The following USH2A variants were observed in gnomAD, a reference collection of about 807,000 sequenced individuals.
USH2A encodes Usher syndrome 2A (autosomal recessive, mild).
USH2A carries 443 observed loss-of-function variants against 538.9 expected under a neutral mutation model. The observed-to-expected ratio is 0.82, with a 90% CI of 0.76 to 0.89. The LOEUF is 0.89. Ranked by LOEUF, USH2A falls within the 40% of genes least tolerant of loss-of-function variation. The pLI, the probability that USH2A is intolerant of heterozygous loss-of-function variation, is 0.00. For missense variants in USH2A, 6,633 were observed against 6,324.8 expected (o/e 1.05, Z -1.65); for synonymous variants, 2,413 against 2,273.5 (o/e 1.06, Z -1.75).
intron 3 of USH2A, 109 bp downstream of exon 3, chr1:216,418,405 A>G: frequency 7.9e-7 from 1 of 1,273,228 alleles, no homozygotes; most frequent in Non-Finnish European, 1.1e-6. Flanking sequence ...CACACCTGAA[A>G]TCTAAAAGAT....
chr1:216,206,985 A>T (rs2035126975), intron 16 of USH2A, among the ~76,000 whole-genome samples: 1 of 152,182 alleles, frequency 6.6e-6, no homozygotes. Flanking sequence ...CAGACACCTC[A>T]GCAGTTTATA....
At chr1:215,720,284 C>G (rs184680026) in intron 61 of USH2A, among the ~76,000 whole-genome samples, 10 of 152,204 alleles carry the variant, frequency 6.6e-5, no homozygotes, top group African/African-American at 2.4e-4. Context: ...TCAAGGCATG[C>G]AAGGAATATC....
intron 38 of USH2A, among the ~76,000 whole-genome samples, chr1:215,909,865 AAAG>A (rs1471665405): frequency 3.3e-5 from 5 of 151,964 alleles, no homozygotes; most frequent in Non-Finnish European, 7.4e-5. Context: ...GTAGAGAATG[AAAG>A]AAGGATGCTT....
intron 60 of USH2A, among the ~76,000 whole-genome samples, chr1:215,734,960 C>G (rs886982598): frequency 1.4e-4 from 21 of 152,182 alleles, no homozygotes; most frequent in African/African-American, 5.1e-4. Flanking sequence ...AACCTCTGCC[C>G]GTTACCCATT....
chr1:215,921,798 G>A (rs920150410), intron 38 of USH2A, among the ~76,000 whole-genome samples: 1 of 151,922 alleles, frequency 6.6e-6, no homozygotes, highest in Non-Finnish European at 1.5e-5. Context: ...GTGTAAATAG[G>A]GATAATAATA....
At chr1:215,690,246 G>A (rs996780959) in intron 61 of USH2A, among the ~76,000 whole-genome samples, 23 of 152,124 alleles carry the variant, frequency 1.5e-4, no homozygotes, top group African/African-American at 5.1e-4. Flanking sequence ...GCTAAACAGA[G>A]GAGTTGCTTT....
intron 32 of USH2A, among the ~76,000 whole-genome samples, chr1:216,040,048 T>TAC (rs59691309): frequency 0.019 from 2,759 of 146,306 alleles, 23 homozygotes; most frequent in South Asian, 0.034. Flanking sequence ...GTCTCTCAAT[T>TAC]ACACACACAC....
At chr1:216,174,229 G>T (rs911721962) in intron 21 of USH2A, 1 of 985,134 alleles carries the variant, frequency 1.0e-6, no homozygotes, top group Non-Finnish European at 1.2e-6. Flanking sequence ...ATATTTTAAA[G>T]ACTAGCTATT....
chr1:215,976,746 T>G (rs1003323023), intron 35 of USH2A, among the ~76,000 whole-genome samples: 1 of 152,182 alleles, frequency 6.6e-6, no homozygotes, highest in Non-Finnish European at 1.5e-5. Flanking sequence ...GCTGTTGAAT[T>G]TGGTTTGCTA....
intron 3 of USH2A, among the ~76,000 whole-genome samples, chr1:216,410,306 C>A (rs1217458478): frequency 1.3e-5 from 2 of 151,310 alleles, no homozygotes; most frequent in African/African-American, 4.9e-5. Flanking sequence ...CCTCAAAGAC[C>A]AAAAAAAACA....
chr1:216,307,945 G>A (rs952317428), intron 9 of USH2A, among the ~76,000 whole-genome samples: 1 of 152,142 alleles, frequency 6.6e-6, no homozygotes, highest in African/African-American at 2.4e-5. Flanking sequence ...CCTGGAGCCT[G>A]CAGCAGCAAT....
At chr1:216,237,418 G>T (rs440548) in intron 13 of USH2A, among the ~76,000 whole-genome samples, 1 of 148,540 alleles carries the variant, frequency 6.7e-6, no homozygotes, top group South Asian at 2.1e-4. Flanking sequence ...TTTAGAAAAA[G>T]TTCCACTCTT....
chr1:216,234,074 T>C (rs1248200786), intron 13 of USH2A, among the ~76,000 whole-genome samples: 1 of 152,168 alleles, frequency 6.6e-6, no homozygotes, highest in African/African-American at 2.4e-5. Flanking sequence ...GCAATGATAT[T>C]GAAAGAAGGA....
intron 30 of USH2A, among the ~76,000 whole-genome samples, chr1:216,054,985 C>A (rs572152193): frequency 6.6e-6 from 1 of 152,188 alleles, no homozygotes; most frequent in Non-Finnish European, 1.5e-5. Context: ...AAGGATCATG[C>A]ACAATATTTC....
chr1:216,355,315 G>GAAAGAAAGAAAGAAAGAA (rs1558051749), intron 4 of USH2A, among the ~76,000 whole-genome samples: 5 of 36,314 alleles, frequency 1.4e-4, no homozygotes, highest in Admixed American at 3.5e-4. Flanking sequence ...CAAAAAGAAA[G>GAAAGAAAGAAAGAAAGAA]AAAGAAAGAA....
At chr1:216,381,319 G>T (rs1401980062) in intron 3 of USH2A, among the ~76,000 whole-genome samples, 1 of 152,074 alleles carries the variant, frequency 6.6e-6, no homozygotes, top group Non-Finnish European at 1.5e-5. Flanking sequence ...GGACAATGAA[G>T]CTATAGAGGC....
intron 21 of USH2A, among the ~76,000 whole-genome samples, chr1:216,149,441 A>G (rs1261890061): frequency 6.6e-6 from 1 of 152,108 alleles, no homozygotes; most frequent in Admixed American, 6.5e-5. Context: ...ATCTTCAGGA[A>G]AGGTAGAACG....
Position 215,631,245 on chromosome 1 carries a change from T to TGG in USH2A, c.15298-2211_15298-2210insCC, listed in dbSNP as rs1553248573. 2.0e-5 allele frequency among the ~76,000 whole-genome samples: 3 copies of TGG among 152,032 alleles called. No individual in the cohort carries two copies. The East Asian group carries it at 5.8e-4, about 29-fold the overall frequency. ...GGGGAGAAGTGTGTGTGTGTGTGTG[T>TGG]GTGGGTGGGTGTTGCAGGGGCATAG... On this transcript the variant is annotated intron_variant, in intron 70 of 71. Transcript: ENST00000307340.
chr1:215,871,506 C>T (rs1664623255), intron 43 of USH2A, among the ~76,000 whole-genome samples: 1 of 152,136 alleles, frequency 6.6e-6, no homozygotes, highest in African/African-American at 2.4e-5. Context: ...AATATCTCTG[C>T]TGAAACTTAG....
Sources: gnomAD v4.1 joint callset for allele counts (sites outside exome capture counted in the v4.1 genomes callset) on GRCh38, gnomAD v4.1.1 for gene constraint, MANE v1.5 for transcripts, NCBI Gene and HGNC (gene_info 2026-07-23, HGNC 2026-07-21) for gene names.